Variants in SETD3 observed in about 807,000 individuals in gnomAD.
The protein encoded by SETD3 is SET domain containing 3, actin N3(tau)-histidine methyltransferase, also known as actin-histidine N-methyltransferase.
In SETD3, 19 loss-of-function variants were observed where a neutral mutation model predicts 63.0. That is an observed-to-expected ratio of 0.30 (90% CI 0.21 to 0.44). The LOEUF (loss-of-function observed/expected upper bound fraction) is 0.44. Ranked by LOEUF, SETD3 falls within the 20% of genes least tolerant of loss-of-function variation. SETD3 has a pLI of 1.00. For missense variants in SETD3, 587 were observed against 728.5 expected (o/e 0.81, Z 2.24); for synonymous variants, 286 against 264.1 (o/e 1.08, Z -0.80).
rs1057429947 is a variant in SETD3 at position 99,407,461 on chromosome 14, C to G, written c.850-871G>C. 2.2e-4 allele frequency among the ~76,000 whole-genome samples: 33 copies of G among 152,236 alleles called. 1 individual carries two copies. Among genetic ancestry groups the G allele is most frequent in the Admixed American group, 2.0e-3 (30 of 15,284 alleles). On this transcript the variant is annotated intron_variant, in intron 8 of 12. Transcript: ENST00000331768. The stretch of plus-strand genomic sequence containing the variant: ...CTTGTTATTTGCAAAAACCTTCCAA[C>G]TCTTGGAACCTAGTCTCAAAATCCA...
chr14:99,413,574 C>G (rs1892123906), intron 7 of SETD3, among the ~76,000 whole-genome samples: 1 of 152,168 alleles, frequency 6.6e-6, no homozygotes, highest in African/African-American at 2.4e-5. Context: ...CTAACATAGT[C>G]TTTTTTAAAT....
At chr14:99,410,279 G>A in intron 8 of SETD3, 1 of 1,611,486 alleles carries the variant, frequency 6.2e-7, no homozygotes, top group Non-Finnish European at 8.5e-7. Context: ...TGGGGGGACA[G>A]GTTGTTCGGA....
intron 6 of SETD3, among the ~76,000 whole-genome samples, chr14:99,437,091 A>C (rs928259294): frequency 6.6e-6 from 1 of 152,218 alleles, no homozygotes; most frequent in Non-Finnish European, 1.5e-5. Context: ...TGAGGTCCTG[A>C]AACAGACAGG....
chr14:99,431,876 T>C (rs537526551), intron 6 of SETD3, among the ~76,000 whole-genome samples: 1 of 152,280 alleles, frequency 6.6e-6, no homozygotes, highest in Admixed American at 6.5e-5. Flanking sequence ...CAACACACAC[T>C]GGATGACCAC....
rs530470726 is a variant in SETD3, at chr14:99,449,346, T to C, written c.675+8933A>G. ...ACATTTGCATAGTCTCAAAGTATCT[T>C]TCTATAAGGTATTCATTAATTATAA... On this transcript the variant is annotated intron_variant, in intron 6 of 12. Coordinates refer to ENST00000331768, the MANE Select transcript of SETD3 (RefSeq NM_032233.3). Among the ~76,000 whole-genome samples, 3 of 152,348 alleles carry C rather than the reference T, an allele frequency of 2.0e-5. No homozygotes were observed. In the South Asian group the frequency reaches 6.2e-4, roughly 32 times the overall value.
intron 6 of SETD3, among the ~76,000 whole-genome samples, chr14:99,421,297 G>A (rs964339674): frequency 8.6e-5 from 13 of 151,950 alleles, no homozygotes; most frequent in Non-Finnish European, 1.5e-5. Context: ...CTAGAATTAT[G>A]TATTATCACC....
chr14:99,472,860 CAAAAG>C (rs1202241743), intron 1 of SETD3, among the ~76,000 whole-genome samples: 5 of 151,946 alleles, frequency 3.3e-5, no homozygotes, highest in South Asian at 2.1e-4. Context: ...ATACTTAAGA[CAAAAG>C]AAAATACGAA....
intron 6 of SETD3, among the ~76,000 whole-genome samples, chr14:99,456,208 G>A (rs868339384): frequency 3.3e-4 from 50 of 152,330 alleles, no homozygotes; most frequent in African/African-American, 1.1e-3. Context: ...TGTGTGACCA[G>A]ACACATTTTG....
chr14:99,405,502 G>T, intron 9 of SETD3, 131 bp from the exon 10 acceptor site: 1 of 1,003,978 alleles, frequency 1.0e-6, no homozygotes, highest in Non-Finnish European at 1.4e-6. Flanking sequence ...TGATACACCT[G>T]TTTGGTATAG....
At chr14:99,402,318 G>A (rs1012544361) in intron 11 of SETD3, among the ~76,000 whole-genome samples, 1 of 152,212 alleles carries the variant, frequency 6.6e-6, no homozygotes, top group African/African-American at 2.4e-5. Context: ...TCCTGCACGT[G>A]GGCTCTGGAG....
intron 1 of SETD3, among the ~76,000 whole-genome samples, chr14:99,471,687 T>C (rs8003260): frequency 0.46 from 70,233 of 152,136 alleles, 17,277 homozygotes; most frequent in Non-Finnish European, 0.56. Flanking sequence ...CAAAATCCAG[T>C]TTTAGATAGA....
At chr14:99,463,365 G>C (rs952070333) in intron 3 of SETD3, 121 bp downstream of exon 3, 1 of 739,292 alleles carries the variant, frequency 1.4e-6, no homozygotes, top group Non-Finnish European at 2.3e-6. Context: ...GCAAGCCCCA[G>C]TACAAGACCT....
intron 1 of SETD3, among the ~76,000 whole-genome samples, chr14:99,476,686 A>G (rs944390640): frequency 7.9e-5 from 12 of 152,236 alleles, no homozygotes; most frequent in Admixed American, 4.6e-4. Flanking sequence ...TGTGTAATAG[A>G]AAACTGCTGA....
At chr14:99,430,856 C>T (rs1893134946) in intron 6 of SETD3, among the ~76,000 whole-genome samples, 1 of 152,226 alleles carries the variant, frequency 6.6e-6, no homozygotes. Flanking sequence ...CTGGGTCCAG[C>T]GGACTGGTCA....
chr14:99,459,253 C>A, intron 4 of SETD3, 68 bp from the exon 5 acceptor site: 3 of 1,117,058 alleles, frequency 2.7e-6, no homozygotes, highest in South Asian at 1.4e-5. Context: ...ACCATATCTA[C>A]GGTCAGAAAT....
At chr14:99,408,562 T>C (rs1891807130) in intron 8 of SETD3, among the ~76,000 whole-genome samples, 1 of 151,432 alleles carries the variant, frequency 6.6e-6, no homozygotes, top group African/African-American at 2.4e-5. Context: ...GAAGAGAAAA[T>C]TTAGGGAGAT....
At chr14:99,428,639 C>G (rs1315999572) in intron 6 of SETD3, among the ~76,000 whole-genome samples, 2 of 151,916 alleles carry the variant, frequency 1.3e-5, no homozygotes. Flanking sequence ...AGTAAGTCCC[C>G]GTCTCAAGAA....
chr14:99,486,190 T>G, the SETD3 span, among the ~76,000 whole-genome samples: 8 of 152,218 alleles, frequency 5.3e-5, no homozygotes, highest in Non-Finnish European at 2.9e-5. Flanking sequence ...CTACCATCTC[T>G]GGTTTAAAGC....
chr14:99,413,198 G>T, intron 7 of SETD3, 133 bp from the exon 8 acceptor site: 1 of 612,324 alleles, frequency 1.6e-6, no homozygotes. Flanking sequence ...CAAAGGTAAT[G>T]TTTGGCCTTC....
Sources: gnomAD v4.1 joint callset for allele counts (sites outside exome capture counted in the v4.1 genomes callset) on GRCh38, gnomAD v4.1.1 for gene constraint, MANE v1.5 for transcripts, NCBI Gene and HGNC (gene_info 2026-07-23, HGNC 2026-07-21) for gene names.